BCAS3: variants seen among roughly 807,000 people sequenced by gnomAD.
BCAS3 encodes BCAS3 microtubule associated cell migration factor.
Under a neutral mutation model 116.1 loss-of-function variants are expected in BCAS3, and 53 were observed. That is an observed-to-expected ratio of 0.46 (90% confidence interval 0.37 to 0.57). The LOEUF is 0.57. BCAS3 is among the 20% of genes least tolerant of loss of function. BCAS3 has a pLI of 0.00. For missense variants in BCAS3, 917 were observed against 1,165.4 expected (o/e 0.79, Z 3.10); for synonymous variants, 391 against 408.2 (o/e 0.96, Z 0.51).
intron 4 of BCAS3, among the ~76,000 whole-genome samples, chr17:60,693,458 G>A (rs1269145793): frequency 6.6e-6 from 1 of 151,466 alleles, no homozygotes; most frequent in Non-Finnish European, 1.5e-5. Context: ...ACCCAGGCTG[G>A]AGTGCAGTGG....
chr17:60,725,883 TTTG>T (rs1321265617), intron 5 of BCAS3, among the ~76,000 whole-genome samples: 2 of 151,970 alleles, frequency 1.3e-5, no homozygotes, highest in Non-Finnish European at 2.9e-5. Context: ...CTGAGGGAGT[TTTG>T]TTGTTGTTGT....
intron 6 of BCAS3, among the ~76,000 whole-genome samples, chr17:60,781,278 C>CTT (rs548284183): frequency 1.4e-5 from 2 of 146,228 alleles, no homozygotes; most frequent in Non-Finnish European, 3.0e-5. Flanking sequence ...CTTTTTTTTC[C>CTT]TTTTTTTTTT....
chr17:61,003,367 A>C, intron 15 of BCAS3, among the ~76,000 whole-genome samples: 6 of 134,722 alleles, frequency 4.5e-5, no homozygotes, highest in African/African-American at 1.1e-4. Flanking sequence ...TGCTCCTTTT[A>C]TTATGCCCTC....
At chr17:60,732,211 T>TA (rs2040527376) in intron 5 of BCAS3, among the ~76,000 whole-genome samples, 2 of 152,236 alleles carry the variant, frequency 1.3e-5, no homozygotes, top group African/African-American at 4.8e-5. Context: ...TTATTGGTGT[T>TA]ACTTTTTAGC....
At chr17:61,114,030 A>G (rs2143757067) in intron 22 of BCAS3, among the ~76,000 whole-genome samples, 1 of 151,906 alleles carries the variant, frequency 6.6e-6, no homozygotes, top group Admixed American at 6.6e-5. Context: ...CTTTGACAGA[A>G]TTCAACAACC....
At chr17:61,383,227 A>G (rs765243236) in intron 23 of BCAS3, 3 of 152,242 alleles carry the variant, frequency 2.0e-5, no homozygotes, top group Non-Finnish European at 4.4e-5. Flanking sequence ...CCTGGGCTGT[A>G]GGGCCGGGCC....
intron 11 of BCAS3, among the ~76,000 whole-genome samples, chr17:60,904,882 C>T (rs553793623): frequency 2.5e-4 from 38 of 152,232 alleles, no homozygotes; most frequent in Non-Finnish European, 4.9e-4. Context: ...GAAAACTTCT[C>T]TAGAGAATTC....
At chr17:61,022,583 C>T (rs1250903113) in intron 16 of BCAS3, among the ~76,000 whole-genome samples, 4 of 152,110 alleles carry the variant, frequency 2.6e-5, no homozygotes, top group South Asian at 2.1e-4. Flanking sequence ...TAAATTTCTA[C>T]AGAAGTTTGA....
In BCAS3 at chr17:60,727,050, A is replaced by G. The variant is rs1387497470; in HGVS notation, c.321+17725A>G. On this transcript the variant is annotated intron_variant, in intron 5 of 23. Coordinates refer to ENST00000407086, the MANE Select transcript of BCAS3 (RefSeq NM_017679.5). ...GATACCTTTTAAAAAACAGACTTTA[A>G]AAAAAAATTATTTATTTATTTTTTA... 5.8e-5 allele frequency: 15 copies of G among 256,514 alleles called. 1 individual carries two copies. Among genetic ancestry groups the G allele is most frequent in the East Asian group, 2.5e-4 (3 of 11,770 alleles). 15.9% of individuals were successfully genotyped at this position (256,514 alleles called of 1,614,324 possible).
At chr17:61,116,258 A>AAATC (rs1162602664) in intron 22 of BCAS3, among the ~76,000 whole-genome samples, 603 of 57,838 alleles carry the variant, frequency 0.01, 1 homozygote, top group Non-Finnish European at 0.015. Context: ...ATAAATAAAT[A>AAATC]AATAAATAAA....
At chr17:60,927,735 A>G (rs1047845254) in intron 13 of BCAS3, among the ~76,000 whole-genome samples, 29 of 152,166 alleles carry the variant, frequency 1.9e-4, no homozygotes, top group African/African-American at 6.8e-4. Flanking sequence ...TGGAGATGCT[A>G]ATTAGTTAAC....
intron 5 of BCAS3, among the ~76,000 whole-genome samples, chr17:60,737,532 T>TG (rs1690342187): frequency 6.6e-6 from 1 of 152,078 alleles, no homozygotes; most frequent in Non-Finnish European, 1.5e-5. Flanking sequence ...ATTCAGTCAG[T>TG]GCTACAGATT....
In BCAS3 at chr17:61,227,079, A is replaced by G. The variant is rs1428593695; in HGVS notation, c.2426-141248A>G. Among the ~76,000 whole-genome samples the G allele has an allele frequency of 2.0e-5, 3 of 152,118 alleles. No individual in the cohort carries two copies. Among genetic ancestry groups the G allele is most frequent in the African/African-American group, 7.2e-5 (3 of 41,430 alleles). On this transcript the variant is annotated intron_variant, in intron 22 of 23. Coordinates refer to ENST00000407086, the MANE Select transcript of BCAS3 (RefSeq NM_017679.5). This position sits in a 1 kb window ranked among gnomAD's most constrained non-coding sequence, Gnocchi z 6.1. Reference sequence around the variant, plus strand: ...TAACTGTGTGCAACGCCCCTTTCCCATAGGTTATGGTTACTCCATAGTTAA... The same window carrying G: ...TAACTGTGTGCAACGCCCCTTTCCCGTAGGTTATGGTTACTCCATAGTTAA...
intron 22 of BCAS3, among the ~76,000 whole-genome samples, chr17:61,149,533 A>G (rs542046699): frequency 6.6e-6 from 1 of 152,316 alleles, no homozygotes; most frequent in South Asian, 2.1e-4. Flanking sequence ...TTAATTTTAC[A>G]TGCATTTTTC....
intron 7 of BCAS3, among the ~76,000 whole-genome samples, chr17:60,823,810 C>T (rs371590868): frequency 6.6e-6 from 1 of 152,068 alleles, no homozygotes; most frequent in African/African-American, 2.4e-5. Flanking sequence ...GGCAGTCTTC[C>T]ATCTTGTGCT....
At chr17:60,797,627 G>C (rs1419045108) in intron 6 of BCAS3, among the ~76,000 whole-genome samples, 1 of 151,962 alleles carries the variant, frequency 6.6e-6, no homozygotes, top group Non-Finnish European at 1.5e-5. Context: ...GTGGTTTGCT[G>C]CACCTGTCAA....
At position 61,233,885 on chromosome 17, in the gene BCAS3, G is replaced by A. The variant is rs1009339194; in HGVS notation, c.2426-134442G>A. 2.6e-5 allele frequency among the ~76,000 whole-genome samples: 4 copies of A among 151,946 alleles called. No homozygotes were observed. Among genetic ancestry groups the A allele is most frequent in the Non-Finnish European group, 5.9e-5 (4 of 67,994 alleles). On this transcript the variant is annotated intron_variant, in intron 22 of 23. Coordinates refer to ENST00000407086, the MANE Select transcript of BCAS3 (RefSeq NM_017679.5). The surrounding 1 kb of genome is among the most constrained non-coding windows in gnomAD (Gnocchi z 4.3). ...GTTCTGGCCCCTGAGGCTCTTTCCT[G>A]TCTAGTTGAGCTTTCTTTAAGAGGT...
intron 19 of BCAS3, among the ~76,000 whole-genome samples, chr17:61,067,317 T>A (rs368117793): frequency 0.014 from 809 of 59,214 alleles, 13 homozygotes; most frequent in African/African-American, 0.033. Flanking sequence ...ATATATATAT[T>A]TATACAGACT....
chr17:61,218,250 G>A (rs1228421669), intron 22 of BCAS3, among the ~76,000 whole-genome samples: 2 of 152,186 alleles, frequency 1.3e-5, no homozygotes, highest in Non-Finnish European at 2.9e-5. Flanking sequence ...TTATCACAGT[G>A]AGTAGTAGCA....
Sources: allele counts gnomAD v4.1 joint callset (sites outside exome capture counted in the v4.1 genomes callset), GRCh38; gene constraint gnomAD v4.1.1; non-coding constraint Gnocchi (gnomAD v3.1); transcripts MANE v1.5; gene names NCBI Gene and HGNC (gene_info 2026-07-23, HGNC 2026-07-21).